Variants in KIAA0825 observed in about 807,000 individuals in gnomAD.
KIAA0825 encodes the protein uncharacterized protein KIAA0825.
In KIAA0825, 119 loss-of-function variants were observed where a neutral mutation model predicts 147.6. The observed-to-expected ratio is 0.81, with a 90% CI of 0.69 to 0.94. The LOEUF (loss-of-function observed/expected upper bound fraction) is 0.94. Ranked by LOEUF, KIAA0825 falls within the 40% of genes least tolerant of loss-of-function variation. The pLI, the probability that KIAA0825 is intolerant of heterozygous loss-of-function variation, is 0.00. For missense variants in KIAA0825, 1,381 were observed against 1,472.7 expected (o/e 0.94, Z 1.02); for synonymous variants, 470 against 518.1 (o/e 0.91, Z 1.26).
intron 15 of KIAA0825, 133 bp from the exon 16 acceptor site, chr5:94,403,926 CAT>C (rs1394414630): frequency 1.5e-6 from 1 of 670,510 alleles, no homozygotes; most frequent in Non-Finnish European, 2.5e-6. Context: ...ACCAAGAAAT[CAT>C]ATGATTGATA....
intron 20 of KIAA0825, among the ~76,000 whole-genome samples, chr5:94,254,588 T>C (rs777946975): frequency 3.9e-5 from 6 of 152,216 alleles, no homozygotes; most frequent in Non-Finnish European, 7.3e-5. Context: ...TGTTTATGAC[T>C]GTAAAGCAAA....
At chr5:94,349,544 C>T (rs1413880637) in intron 20 of KIAA0825, among the ~76,000 whole-genome samples, 1 of 152,130 alleles carries the variant, frequency 6.6e-6, no homozygotes, top group Non-Finnish European at 1.5e-5. Context: ...ATAAAACGAG[C>T]CTCAATAAAT....
intron 20 of KIAA0825, among the ~76,000 whole-genome samples, chr5:94,200,375 C>T (rs1408043603): frequency 6.6e-6 from 1 of 152,116 alleles, no homozygotes; most frequent in Non-Finnish European, 1.5e-5. Context: ...GCCCTGTGGT[C>T]TGCATCCTTC....
intron 20 of KIAA0825, among the ~76,000 whole-genome samples, chr5:94,275,756 TC>T (rs1456698634): frequency 1.3e-5 from 2 of 152,106 alleles, no homozygotes; most frequent in Admixed American, 6.6e-5. Flanking sequence ...CCTCAGGTAG[TC>T]CTTTGAGGCT....
chr5:94,331,424 T>G (rs1781260650), intron 20 of KIAA0825, among the ~76,000 whole-genome samples: 1 of 152,204 alleles, frequency 6.6e-6, no homozygotes, highest in African/African-American at 2.4e-5. Flanking sequence ...AATTAATTCA[T>G]AGTTTAAAAT....
chr5:94,486,749 T>C (rs952498288), intron 5 of KIAA0825, among the ~76,000 whole-genome samples: 1 of 152,150 alleles, frequency 6.6e-6, no homozygotes, highest in Non-Finnish European at 1.5e-5. Flanking sequence ...ACATATTATG[T>C]TTTATTTAGT....
In KIAA0825 at chr5:94,476,461, T is replaced by G. The variant is rs151039895; in HGVS notation, c.1227+650A>C. Among the ~76,000 whole-genome samples, 586 of 152,202 alleles carry G rather than the reference T, an allele frequency of 3.9e-3. 5 individuals carry two copies. Among genetic ancestry groups the G allele is most frequent in the African/African-American group, 0.013 (536 of 41,544 alleles). Reference sequence around the variant, plus strand: ...GACCTGCCAGGTAGAACTGAAGTCATGCAGGGAAGGCTGCATGGTGGGAAC... The same window carrying G: ...GACCTGCCAGGTAGAACTGAAGTCAGGCAGGGAAGGCTGCATGGTGGGAAC... On this transcript the variant is annotated intron_variant, in intron 7 of 20. Coordinates refer to ENST00000682413, the MANE Select transcript of KIAA0825 (RefSeq NM_001145678.3).
intron 6 of KIAA0825, among the ~76,000 whole-genome samples, chr5:94,478,451 TCACACACACA>T (rs6149119): frequency 1.4e-5 from 2 of 146,146 alleles, no homozygotes; most frequent in African/African-American, 2.5e-5. Flanking sequence ...CACATGTGCA[TCACACACACA>T]CACACACACA....
At chr5:94,197,800 T>G (rs1267915009) in intron 20 of KIAA0825, among the ~76,000 whole-genome samples, 2 of 152,228 alleles carry the variant, frequency 1.3e-5, no homozygotes, top group African/African-American at 4.8e-5. Flanking sequence ...GTTTTATTTC[T>G]GGATTCTCTA....
In KIAA0825 at chr5:94,352,932, T is replaced by C. The variant is rs1584224896; in HGVS notation, c.3710+31436A>G. ...GACTTTGGGGACTTGGGGGGAAGAG[T>C]GGGAGGGGGGTGAGGGCTACAAGAC... On this transcript the variant is annotated intron_variant, in intron 20 of 20. Transcript: ENST00000682413. 2.2e-5 allele frequency among the ~76,000 whole-genome samples: 3 copies of C among 134,098 alleles called. No individual in the cohort carries two copies. In the South Asian group the frequency reaches 7.9e-4, roughly 35 times the overall value. The allele number at this position is 134,098 out of a possible 152,430, so 88.0% of individuals were successfully genotyped here. A position where few individuals can be genotyped will look rare whatever the true frequency, so the allele number is the denominator to read the frequency against.
chr5:94,507,157 A>T (rs1765835573), intron 5 of KIAA0825, among the ~76,000 whole-genome samples: 1 of 152,200 alleles, frequency 6.6e-6, no homozygotes, highest in East Asian at 1.9e-4. Flanking sequence ...TTTATTAAAA[A>T]CTGACAGAAT....
intron 20 of KIAA0825, among the ~76,000 whole-genome samples, chr5:94,314,813 G>C (rs549120558): frequency 1.3e-5 from 2 of 151,564 alleles, no homozygotes; most frequent in South Asian, 2.1e-4. Context: ...CCAAAAGGCC[G>C]GCGTGTATAT....
rs1316440583 is a variant in KIAA0825 at position 94,152,840 on chromosome 5, AAAAAAAAAAAAAAAATTAT to A, written c.*1148_*1166del. On this transcript the variant is annotated 3_prime_UTR_variant, in exon 21 of 21. Coordinates refer to ENST00000682413, the MANE Select transcript of KIAA0825 (RefSeq NM_001145678.3). ...TAAAATGAAAAAAAAAAAAAAAAAA[AAAAAAAAAAAAAAAATTAT>A]ATATATATATATATATATATATATA... is the stretch of plus-strand genomic sequence containing the variant. 52 of 33,764 alleles carry A rather than the reference AAAAAAAAAAAAAAAATTAT, an allele frequency of 1.5e-3. 1 individual carries two copies. The highest frequency in any genetic ancestry group is 2.8e-3 in the Non-Finnish European group (48 of 17,182). The allele number at this position is 33,764 out of a possible 1,614,324, so 2.1% of individuals were successfully genotyped here.
intron 20 of KIAA0825, among the ~76,000 whole-genome samples, chr5:94,228,023 A>G (rs1774360637): frequency 6.6e-6 from 1 of 152,188 alleles, no homozygotes; most frequent in Non-Finnish European, 1.5e-5. Context: ...TGTGAGAGAA[A>G]CTAGAAGAAA....
chr5:94,557,629 T>A (rs955102101), intron 2 of KIAA0825, among the ~76,000 whole-genome samples: 1 of 152,112 alleles, frequency 6.6e-6, no homozygotes, highest in Non-Finnish European at 1.5e-5. Flanking sequence ...AGCTCACACG[T>A]GACCAATCAG....
chr5:94,286,338 C>T (rs1777663976), intron 20 of KIAA0825, among the ~76,000 whole-genome samples: 1 of 152,024 alleles, frequency 6.6e-6, no homozygotes, highest in Non-Finnish European at 1.5e-5. Context: ...CCACTCCCAC[C>T]TCCTATTCAT....
chr5:94,261,125 G>T (rs190524660), intron 20 of KIAA0825, among the ~76,000 whole-genome samples: 4 of 151,560 alleles, frequency 2.6e-5, no homozygotes, highest in Admixed American at 2.6e-4. Flanking sequence ...AACATAGTGA[G>T]ACCACCATCT....
chr5:94,212,318 C>G (rs1003395667), intron 20 of KIAA0825, among the ~76,000 whole-genome samples: 3 of 152,098 alleles, frequency 2.0e-5, no homozygotes, highest in Admixed American at 6.6e-5. Context: ...TGCCCATAAT[C>G]AGATTTATGG....
intron 5 of KIAA0825, among the ~76,000 whole-genome samples, chr5:94,501,176 T>C (rs1309945795): frequency 6.6e-6 from 1 of 152,194 alleles, no homozygotes; most frequent in Admixed American, 6.5e-5. Flanking sequence ...AATAAAAAAA[T>C]ATGCAGCCAT....
Sources: gnomAD v4.1 joint callset for allele counts (sites outside exome capture counted in the v4.1 genomes callset) on GRCh38, gnomAD v4.1.1 for gene constraint, MANE v1.5 for transcripts, NCBI Gene and HGNC (gene_info 2026-07-23, HGNC 2026-07-21) for gene names.